The following ADCY7 variants were observed in gnomAD, a reference collection of about 807,000 sequenced individuals.
ADCY7 encodes adenylate cyclase 7, also known as adenylate cyclase type 7.
Under a neutral mutation model 120.6 loss-of-function variants are expected in ADCY7, and 72 were observed. The ratio of observed to expected loss-of-function variants is 0.60; its 90% CI spans 0.49 to 0.73. ADCY7 has a LOEUF of 0.73. ADCY7 is among the 30% of genes least tolerant of loss of function. The pLI is 0.00. For synonymous variants in ADCY7, 661 were observed against 628.0 expected (o/e 1.05, Z -0.78); for missense variants, 1,227 against 1,486.0 (o/e 0.83, Z 2.87).
intron 22 of ADCY7, 85 bp downstream of exon 22, chr16:50,313,121 A>T: frequency 6.4e-7 from 1 of 1,556,912 alleles, no homozygotes; most frequent in South Asian, 1.2e-5. Context: ...CCTAAAACCC[A>T]ATTTAAAAAT....
chr16:50,275,904 G>A (rs1446383966), intron 1 of ADCY7, among the ~76,000 whole-genome samples: 1 of 152,154 alleles, frequency 6.6e-6, no homozygotes, highest in Non-Finnish European at 1.5e-5. Flanking sequence ...ACCACCCTTG[G>A]GTAGCCCAGC....
At chr16:50,270,663 T>C (rs1540619) in intron 1 of ADCY7, among the ~76,000 whole-genome samples, 80,341 of 152,058 alleles carry the variant, frequency 0.53, 22,278 homozygotes, top group Non-Finnish European at 0.63. Flanking sequence ...GCCTGGGTGG[T>C]GCAGGCAGGC....
Position 50,270,021 on chromosome 16 carries a change from T to G in ADCY7, c.-269+3341T>G, listed in dbSNP as rs540505573. Reference sequence around the variant, plus strand: ...CTAGGCAACATGGCACAACCCCAACTCTAGGAAAAAATTACAAATATTAGC... The same window carrying G: ...CTAGGCAACATGGCACAACCCCAACGCTAGGAAAAAATTACAAATATTAGC... On this transcript the variant is annotated intron_variant, in intron 1 of 25. Coordinates refer to ENST00000673801, the MANE Select transcript of ADCY7 (RefSeq NM_001114.5). Among the ~76,000 whole-genome samples, 402 of 152,112 alleles carry G rather than the reference T, an allele frequency of 2.6e-3. 1 individual carries two copies. The highest frequency in any genetic ancestry group is 8.5e-3 in the African/African-American group (354 of 41,496).
intron 7 of ADCY7, among the ~76,000 whole-genome samples, chr16:50,295,662 G>C (rs372838957): frequency 7.2e-5 from 11 of 152,110 alleles, no homozygotes; most frequent in Non-Finnish European, 1.2e-4. Flanking sequence ...AAGGGCACAA[G>C]GTCTGACATG....
At position 50,288,354 on chromosome 16, in the gene ADCY7, A is replaced by G. The variant is rs1034181278; in HGVS notation, c.171+4A>G. 4 of 1,541,608 alleles carry G rather than the reference A, an allele frequency of 2.6e-6. No homozygotes were observed. The highest frequency in any genetic ancestry group is 3.5e-6 in the Non-Finnish European group (4 of 1,140,568). The stretch of plus-strand genomic sequence containing the variant: ...CATCATTGCCTTCAGCCAGGGGGTG[A>G]GTGAGGGCAGCCCCTGGGCTTCACG... On this transcript the variant is annotated splice_donor_region_variant and intron_variant, in intron 2 of 25. Transcript: ENST00000673801.
At chr16:50,278,948 T>A (rs1053462536) in intron 1 of ADCY7, among the ~76,000 whole-genome samples, 2 of 150,994 alleles carry the variant, frequency 1.3e-5, no homozygotes, top group Non-Finnish European at 2.9e-5. Flanking sequence ...CCCATCTCAC[T>A]GCAACCTCTG....
rs371626465 is a variant in ADCY7 at position 50,260,483 on chromosome 16, T to G, written c.-64+14280T>G. On this transcript the variant is annotated intron_variant, in intron 1 of 4. Transcript: ENST00000564044. ...GACTCTGCTTCTCTCTCCATTTCTC[T>G]GTCTTGGCTTCCTTTTCAGGCCAGT... Among the ~76,000 whole-genome samples, 124 of 152,376 alleles carry G rather than the reference T, an allele frequency of 8.1e-4. No homozygotes were observed. In the South Asian group the frequency reaches 0.025, roughly 31 times the overall value.
upstream of ADCY7, among the ~76,000 whole-genome samples, chr16:50,245,971 G>A (rs2032568811): frequency 6.7e-6 from 1 of 148,750 alleles, no homozygotes; most frequent in South Asian, 2.1e-4. Flanking sequence ...GGGTGGGGTG[G>A]GGTGGGGCGG....
chr16:50,270,102 A>G (rs2033459841), intron 1 of ADCY7, among the ~76,000 whole-genome samples: 2 of 152,106 alleles, frequency 1.3e-5, no homozygotes, highest in Admixed American at 6.5e-5. Context: ...GCTTGAGCCC[A>G]GGAGGTGGAG....
intron 7 of ADCY7, among the ~76,000 whole-genome samples, chr16:50,296,547 G>A (rs145398973): frequency 0.016 from 2,377 of 151,982 alleles, 73 homozygotes; most frequent in African/African-American, 0.054. Flanking sequence ...TAGTAGAGAC[G>A]GGGTTTCACC....
intron 19 of ADCY7, 52 bp downstream of exon 19, chr16:50,310,932 GTGCC>G (rs1192850470): frequency 6.7e-7 from 1 of 1,501,812 alleles, no homozygotes; most frequent in Non-Finnish European, 8.9e-7. Context: ...TGTTCATCTG[GTGCC>G]TGCCTGCTCG....
chr16:50,312,659 C>G (rs1185852024), intron 21 of ADCY7, among the ~76,000 whole-genome samples: 1 of 152,174 alleles, frequency 6.6e-6, no homozygotes, highest in African/African-American at 2.4e-5. Flanking sequence ...ATGGAAACAC[C>G]CATGGTGCTT....
intron 1 of ADCY7, among the ~76,000 whole-genome samples, chr16:50,287,605 G>A (rs1364432857): frequency 3.3e-5 from 5 of 151,580 alleles, no homozygotes; most frequent in Non-Finnish European, 7.4e-5. Flanking sequence ...ACTTGAGCCC[G>A]GGAGTTTGAG....
intron 6 of ADCY7, 107 bp downstream of exon 6, chr16:50,293,609 T>C: frequency 1.4e-6 from 2 of 1,382,168 alleles, no homozygotes; most frequent in Non-Finnish European, 2.0e-6. Flanking sequence ...CCCCTGCCCA[T>C]ATAGGGATTG....
chr16:50,250,409 A>T (rs2032719980), intron 1 of ADCY7, among the ~76,000 whole-genome samples: 1 of 150,176 alleles, frequency 6.7e-6, no homozygotes, highest in East Asian at 2.0e-4. Flanking sequence ...GTGAGCCGAG[A>T]TCACGACACT....
Position 50,318,030 on chromosome 16 carries a change from T to TA in ADCY7, c.*2526dup, listed in dbSNP as rs1351799756. 1 of 152,356 alleles carries TA rather than the reference T, an allele frequency of 6.6e-6. No individual in the cohort carries two copies. The highest frequency in any genetic ancestry group is 1.9e-4 in the East Asian group (1 of 5,334). 9.4% of individuals were successfully genotyped at this position (152,356 alleles called of 1,614,324 possible). On this transcript the variant is annotated 3_prime_UTR_variant, in exon 26 of 26. Coordinates refer to ENST00000673801, the MANE Select transcript of ADCY7 (RefSeq NM_001114.5). ...ACTAGGGTTTATTCTATATAATGAA[T>TA]ATTTATAGATCTGTAACATTTGTTT...
chr16:50,293,324 C>T (rs747789272), intron 5 of ADCY7, 30 bp from the exon 6 acceptor site: 1 of 1,603,480 alleles, frequency 6.2e-7, no homozygotes, highest in African/African-American at 1.3e-5. Flanking sequence ...CTTTGCTGGT[C>T]CCTCTGCTGG....
chr16:50,264,011 C>T (rs762150107), upstream of ADCY7, among the ~76,000 whole-genome samples: 3 of 152,170 alleles, frequency 2.0e-5, no homozygotes, highest in Non-Finnish European at 4.4e-5. Context: ...CAGGCAAGTG[C>T]ACAAACCTTC....
At chr16:50,303,235 G>A (rs1028521678) in intron 10 of ADCY7, among the ~76,000 whole-genome samples, 2 of 152,162 alleles carry the variant, frequency 1.3e-5, no homozygotes, top group African/African-American at 4.8e-5. Context: ...GGGCCAGCGC[G>A]CTCTTCCTGC....
Sources: gnomAD v4.1 joint callset for allele counts (sites outside exome capture counted in the v4.1 genomes callset) on GRCh38, gnomAD v4.1.1 for gene constraint, MANE v1.5 for transcripts, NCBI Gene and HGNC (gene_info 2026-07-23, HGNC 2026-07-21) for gene names.